The following PLXDC2 variants were observed in gnomAD, a reference collection of about 807,000 sequenced individuals.
PLXDC2 encodes the protein plexin domain containing 2.
PLXDC2 carries 40 observed loss-of-function variants against 68.9 expected under a neutral mutation model. That is an observed-to-expected ratio of 0.58 (90% CI 0.45 to 0.76). The LOEUF (loss-of-function observed/expected upper bound fraction) is 0.76. Ranked by LOEUF, PLXDC2 falls within the 30% of genes least tolerant of loss-of-function variation. The pLI is 0.00. For missense variants in PLXDC2, 644 were observed against 661.9 expected (o/e 0.97, Z 0.30); for synonymous variants, 243 against 234.2 (o/e 1.04, Z -0.34).
intron 1 of PLXDC2, among the ~76,000 whole-genome samples, chr10:19,899,854 C>T (rs1838128656): frequency 1.3e-5 from 2 of 152,066 alleles, no homozygotes; most frequent in African/African-American, 2.4e-5. Flanking sequence ...ATTAATCTGG[C>T]TCACCTGTTC....
intron 5 of PLXDC2, among the ~76,000 whole-genome samples, chr10:20,146,326 CTTCTT>C (rs1305615116): frequency 8.6e-5 from 13 of 151,436 alleles, no homozygotes; most frequent in Admixed American, 4.6e-4. Flanking sequence ...TTTGTTTTCT[CTTCTT>C]TTCTTTTCTC....
chr10:20,035,683 G>C (rs1163692240), intron 2 of PLXDC2, among the ~76,000 whole-genome samples: 1 of 151,940 alleles, frequency 6.6e-6, no homozygotes, highest in Non-Finnish European at 1.5e-5. Context: ...GTGACAGAGT[G>C]AGACTCTGTC....
chr10:20,001,549 A>C (rs187588604), intron 1 of PLXDC2, among the ~76,000 whole-genome samples: 27 of 152,266 alleles, frequency 1.8e-4, no homozygotes, highest in African/African-American at 6.5e-4. Flanking sequence ...ACTCTGCAAG[A>C]TCTGCCCGTT....
At chr10:20,245,605 T>A in intron 13 of PLXDC2, 100 bp downstream of exon 13, 1 of 1,358,818 alleles carries the variant, frequency 7.4e-7, no homozygotes. Flanking sequence ...GGCTTCTCCA[T>A]TTTTCAGTTC....
At chr10:20,003,550 A>G (rs1834977371) in intron 2 of PLXDC2, among the ~76,000 whole-genome samples, 1 of 152,112 alleles carries the variant, frequency 6.6e-6, no homozygotes, top group Non-Finnish European at 1.5e-5. Flanking sequence ...CTCCTGCCTC[A>G]GCCTCCTGAG....
chr10:20,190,106 A>C (rs1401919368), intron 9 of PLXDC2, among the ~76,000 whole-genome samples: 3 of 151,890 alleles, frequency 2.0e-5, no homozygotes. Context: ...TATGTTTATA[A>C]TTGCTTTTTC....
intron 1 of PLXDC2, among the ~76,000 whole-genome samples, chr10:19,952,866 G>C (rs1834012365): frequency 6.6e-6 from 1 of 152,106 alleles, no homozygotes; most frequent in Admixed American, 6.6e-5. Context: ...GGCCAGAAGG[G>C]AGTCAACCTA....
chr10:19,979,198 A>G (rs1834507837), intron 1 of PLXDC2, among the ~76,000 whole-genome samples: 2 of 152,148 alleles, frequency 1.3e-5, no homozygotes, highest in South Asian at 4.1e-4. Context: ...GCTCCCATAG[A>G]AAAAAGGAAG....
intron 4 of PLXDC2, among the ~76,000 whole-genome samples, chr10:20,132,422 C>T (rs903130378): frequency 6.6e-6 from 1 of 152,114 alleles, no homozygotes; most frequent in African/African-American, 2.4e-5. Flanking sequence ...TCTGGATGAC[C>T]TATCCACTGC....
intron 4 of PLXDC2, among the ~76,000 whole-genome samples, chr10:20,107,651 G>A (rs770551765): frequency 6.6e-6 from 1 of 152,138 alleles, no homozygotes; most frequent in Non-Finnish European, 1.5e-5. Flanking sequence ...GAGTTATTAT[G>A]CAAAGGTGAC....
rs148555628 is a variant in PLXDC2 at position 20,022,298 on chromosome 10, G to C, written c.324+20312G>C. ...AGCAGATACAAATGGAGTCTTCTTG[G>C]AGCTTACAGTCTAGTCGGGTTAGAT... On this transcript the variant is annotated intron_variant, in intron 2 of 13. Transcript: ENST00000377252. Among the ~76,000 whole-genome samples the C allele has an allele frequency of 4.2e-3, 634 of 152,238 alleles. 7 individuals are homozygous for C. Among genetic ancestry groups the C allele is most frequent in the African/African-American group, 0.014 (574 of 41,552 alleles).
At chr10:20,229,619 C>A (rs553359797) in intron 12 of PLXDC2, among the ~76,000 whole-genome samples, 1 of 150,526 alleles carries the variant, frequency 6.6e-6, no homozygotes, top group East Asian at 2.0e-4. Flanking sequence ...GTAGTTTAAT[C>A]CATTAGATGG....
At chr10:19,857,290 A>C (rs1837232228) in intron 1 of PLXDC2, among the ~76,000 whole-genome samples, 1 of 152,240 alleles carries the variant, frequency 6.6e-6, no homozygotes, top group African/African-American at 2.4e-5. Context: ...GGAGAAAACC[A>C]AAATGGCCTA....
At chr10:20,005,757 C>T (rs552085621) in intron 2 of PLXDC2, among the ~76,000 whole-genome samples, 1 of 152,292 alleles carries the variant, frequency 6.6e-6, no homozygotes, top group South Asian at 2.1e-4. Flanking sequence ...CTAAGCCATT[C>T]ATGAGGGATC....
At chr10:20,197,384 T>A (rs1834854272) in intron 9 of PLXDC2, among the ~76,000 whole-genome samples, 1 of 152,114 alleles carries the variant, frequency 6.6e-6, no homozygotes, top group Non-Finnish European at 1.5e-5. Context: ...TTTGAAGGAG[T>A]CTTGCTCTGT....
intron 1 of PLXDC2, among the ~76,000 whole-genome samples, chr10:19,830,378 A>G (rs1836665545): frequency 1.3e-5 from 2 of 152,156 alleles, no homozygotes; most frequent in South Asian, 4.1e-4. Context: ...GTCAGCATCT[A>G]CCATGTAATC....
chr10:20,104,698 A>G (rs1260906212), intron 4 of PLXDC2, among the ~76,000 whole-genome samples: 1 of 152,056 alleles, frequency 6.6e-6, no homozygotes, highest in African/African-American at 2.4e-5. Flanking sequence ...TGGGGGGAGA[A>G]AACACATTTT....
chr10:20,042,384 C>T (rs1238277488), intron 2 of PLXDC2, among the ~76,000 whole-genome samples: 1 of 152,078 alleles, frequency 6.6e-6, no homozygotes, highest in Non-Finnish European at 1.5e-5. Flanking sequence ...TGAAATCACT[C>T]TTATAAGGAT....
At chr10:19,851,689 G>A (rs1231164470) in intron 1 of PLXDC2, among the ~76,000 whole-genome samples, 1 of 152,124 alleles carries the variant, frequency 6.6e-6, no homozygotes, top group East Asian at 1.9e-4. Context: ...GGAATTACAG[G>A]CATGCACCAC....
Sources: allele counts gnomAD v4.1 joint callset (sites outside exome capture counted in the v4.1 genomes callset), GRCh38; gene constraint gnomAD v4.1.1; transcripts MANE v1.5; gene names NCBI Gene and HGNC (gene_info 2026-07-23, HGNC 2026-07-21).